MYLK: variants seen among roughly 807,000 people sequenced by gnomAD.
MYLK encodes the protein myosin light chain kinase.
A neutral mutation model predicts 203.4 loss-of-function variants in MYLK; 106 were observed. The ratio of observed to expected loss-of-function variants is 0.52; its 90% CI spans 0.45 to 0.61. The LOEUF (loss-of-function observed/expected upper bound fraction) is 0.61, where lower values mean the gene tolerates loss of function less well. Ranked by LOEUF, MYLK falls within the 20% of genes least tolerant of loss-of-function variation. The pLI, the probability that MYLK is intolerant of heterozygous loss-of-function variation, is 0.00. For synonymous variants in MYLK, 867 were observed against 959.5 expected, an observed-to-expected ratio of 0.90 and a Z score of 1.78; for missense variants, 2,072 against 2,442.3, an observed-to-expected ratio of 0.85 and a Z score of 3.20.
At position 123,872,127 on chromosome 3, in the gene MYLK, C is replaced by T. The variant is rs144802155; in HGVS notation, c.-127+4432G>A. On this transcript the variant is annotated intron_variant, in intron 2 of 33. Coordinates refer to ENST00000360304, the MANE Select transcript of MYLK (RefSeq NM_053025.4). The stretch of plus-strand genomic sequence containing the variant: ...ACAGCTTCCTGGAACACAGCCACAT[C>T]CATTCACTTATCCATCTATTGTCTG... Among the ~76,000 whole-genome samples the T allele has an allele frequency of 5.3e-5, 8 of 152,266 alleles. No homozygotes were observed. The East Asian group carries it at 1.4e-3, about 26-fold the overall frequency.
At chr3:123,731,286 A>G (rs1170350340) in intron 11 of MYLK, among the ~76,000 whole-genome samples, 1 of 152,274 alleles carries the variant, frequency 6.6e-6, no homozygotes, top group Non-Finnish European at 1.5e-5. Flanking sequence ...CAGTGAATCA[A>G]CAGTATACAG....
chr3:123,805,925 G>A (rs1308729567), intron 3 of MYLK, among the ~76,000 whole-genome samples: 1 of 151,698 alleles, frequency 6.6e-6, no homozygotes, highest in African/African-American at 2.4e-5. Context: ...TGTCTGGCAT[G>A]TAGCAAGCAC....
At chr3:123,720,034 C>T (rs533841264) in intron 13 of MYLK, among the ~76,000 whole-genome samples, 5 of 152,114 alleles carry the variant, frequency 3.3e-5, no homozygotes, top group African/African-American at 7.2e-5. Context: ...CCTGAGCGTG[C>T]GGCTGCGTCT....
Position 123,666,412 on chromosome 3 carries a change from G to A in MYLK, c.3704-66C>T, listed in dbSNP as rs1004093423. The A allele has an allele frequency of 1.2e-5, 20 of 1,607,596 alleles. No individual in the cohort carries two copies. The African/African-American group carries it at 1.3e-4, about 11-fold the overall frequency. On this transcript the variant is annotated intron_variant, in intron 21 of 33. Coordinates refer to ENST00000360304, the MANE Select transcript of MYLK (RefSeq NM_053025.4). Reference sequence around the variant, plus strand: ...CTCAGGCATTCTGATCACATTCGACGCCATTGTCCACAGTGGTCTGTTGGC... The same window carrying A: ...CTCAGGCATTCTGATCACATTCGACACCATTGTCCACAGTGGTCTGTTGGC...
chr3:123,859,076 T>C (rs954269946), intron 2 of MYLK, among the ~76,000 whole-genome samples: 10 of 152,184 alleles, frequency 6.6e-5, no homozygotes, highest in Admixed American at 6.5e-4. Flanking sequence ...TAGAAATGAA[T>C]TGTTAAAAAA....
At chr3:123,652,218 T>C (rs1251164880) in intron 24 of MYLK, among the ~76,000 whole-genome samples, 1 of 152,152 alleles carries the variant, frequency 6.6e-6, no homozygotes, top group African/African-American at 2.4e-5. Context: ...AGCAGAGCTC[T>C]TGGTGCATAA....
intron 18 of MYLK, among the ~76,000 whole-genome samples, chr3:123,698,511 G>A (rs534876257): frequency 9.9e-5 from 15 of 152,202 alleles, no homozygotes; most frequent in African/African-American, 1.4e-4. Context: ...CCACAGGGGC[G>A]GCAGGACAGG....
At chr3:123,634,888 A>G (rs2058580901) in intron 29 of MYLK, among the ~76,000 whole-genome samples, 1 of 152,232 alleles carries the variant, frequency 6.6e-6, no homozygotes, top group Non-Finnish European at 1.5e-5. Context: ...GCCAGAAACC[A>G]CATGGGTATT....
intron 24 of MYLK, among the ~76,000 whole-genome samples, chr3:123,650,439 G>C (rs2059171093): frequency 2.0e-5 from 3 of 152,036 alleles, no homozygotes; most frequent in South Asian, 2.1e-4. Flanking sequence ...GTGTGTGAGA[G>C]AGAGTGGGCA....
At chr3:123,751,406 A>T (rs528608239) in intron 5 of MYLK, among the ~76,000 whole-genome samples, 21 of 152,380 alleles carry the variant, frequency 1.4e-4, no homozygotes, top group African/African-American at 4.6e-4. Flanking sequence ...GGAAAAAGAC[A>T]AAAATATTAG....
Position 123,873,154 on chromosome 3 carries a change from C to G in MYLK, c.-127+3405G>C, listed in dbSNP as rs768801370. Among the ~76,000 whole-genome samples, 87 of 152,158 alleles carry G rather than the reference C, an allele frequency of 5.7e-4. 2 individuals carry two copies. The highest frequency in any genetic ancestry group is 1.9e-3 in the South Asian group (9 of 4,802). On this transcript the variant is annotated intron_variant, in intron 2 of 33. Coordinates refer to ENST00000360304, the MANE Select transcript of MYLK (RefSeq NM_053025.4). ...TATTTATTATTTTTCTCACACTGCC[C>G]TTTGTGAAAAAGTTTGCCAACTCAT...
intron 16 of MYLK, 106 bp from the exon 17 acceptor site, chr3:123,701,615 C>A: frequency 1.7e-6 from 2 of 1,165,100 alleles, no homozygotes; most frequent in South Asian, 2.5e-5. Flanking sequence ...AGATGGAAGT[C>A]GCCGGCTTGA....
chr3:123,793,399 T>C (rs1238029100), intron 4 of MYLK, among the ~76,000 whole-genome samples: 1 of 152,142 alleles, frequency 6.6e-6, no homozygotes, highest in Non-Finnish European at 1.5e-5. Context: ...TTTTCTGTAA[T>C]TATATAGCAT....
At chr3:123,673,008 G>C (rs914039198) in intron 20 of MYLK, among the ~76,000 whole-genome samples, 3 of 152,112 alleles carry the variant, frequency 2.0e-5, no homozygotes, top group Non-Finnish European at 4.4e-5. Context: ...CTGGTGACTT[G>C]CTAGGTTCAT....
At chr3:123,772,630 T>G (rs2063920409) in intron 4 of MYLK, among the ~76,000 whole-genome samples, 1 of 152,018 alleles carries the variant, frequency 6.6e-6, no homozygotes, top group Non-Finnish European at 1.5e-5. Context: ...TAAAAATATT[T>G]CAAATATATG....
chr3:123,815,086 C>T (rs1405176996), intron 3 of MYLK, among the ~76,000 whole-genome samples: 1 of 152,198 alleles, frequency 6.6e-6, no homozygotes, highest in Non-Finnish European at 1.5e-5. Context: ...AGCCACCACA[C>T]CTGGCCCCTT....
At chr3:123,653,986 T>TTTTGTG in intron 24 of MYLK, among the ~76,000 whole-genome samples, 1 of 137,756 alleles carries the variant, frequency 7.3e-6, no homozygotes, top group South Asian at 2.5e-4. Context: ...CAGAGGGATG[T>TTTTGTG]TGTGTGTGTG....
At chr3:123,712,648 G>A (rs2061742239) in intron 13 of MYLK, among the ~76,000 whole-genome samples, 1 of 152,200 alleles carries the variant, frequency 6.6e-6, no homozygotes, top group South Asian at 2.1e-4. Context: ...ATGAAAGGGT[G>A]GCCTGGGAGC....
At chr3:123,763,270 T>C (rs1162774705) in intron 4 of MYLK, among the ~76,000 whole-genome samples, 1 of 152,248 alleles carries the variant, frequency 6.6e-6, no homozygotes, top group Non-Finnish European at 1.5e-5. Flanking sequence ...CATCAGTTGC[T>C]GTTATTTTTT....
Sources: allele counts gnomAD v4.1 joint callset (sites outside exome capture counted in the v4.1 genomes callset), GRCh38; gene constraint gnomAD v4.1.1; transcripts MANE v1.5; gene names NCBI Gene and HGNC (gene_info 2026-07-23, HGNC 2026-07-21).